RUNX2: variants seen among roughly 807,000 people sequenced by gnomAD.
RUNX2 encodes RUNX family transcription factor 2, also known as runt-related transcription factor 2.
A neutral mutation model predicts 51.7 loss-of-function variants in RUNX2; 10 were observed. That is an observed-to-expected ratio of 0.19 (90% CI 0.12 to 0.33). The LOEUF (loss-of-function observed/expected upper bound fraction) is 0.33. RUNX2 is among the 10% of genes least tolerant of loss of function. RUNX2 has a pLI of 1.00. For missense variants in RUNX2, 562 were observed against 691.3 expected (o/e 0.81, Z 2.10); for synonymous variants, 276 against 273.6 (o/e 1.01, Z -0.09).
At chr6:45,399,965 A>AAAGG (rs1469987391) in intron 2 of RUNX2, among the ~76,000 whole-genome samples, 1 of 147,142 alleles carries the variant, frequency 6.8e-6, no homozygotes, top group Non-Finnish European at 1.5e-5. Flanking sequence ...TTTTCTTTAG[A>AAAGG]AAGGAAGGAA....
intron 5 of RUNX2, among the ~76,000 whole-genome samples, chr6:45,454,687 T>C (rs1215798516): frequency 6.6e-6 from 1 of 152,150 alleles, no homozygotes; most frequent in Admixed American, 6.5e-5. Context: ...TCTATGTATG[T>C]GTGTGTGTAT....
At chr6:45,333,821 T>C (rs1468402261) in intron 2 of RUNX2, among the ~76,000 whole-genome samples, 1 of 151,200 alleles carries the variant, frequency 6.6e-6, no homozygotes, top group African/African-American at 2.4e-5. Context: ...TACTCATAAA[T>C]CCAATATACA....
intron 5 of RUNX2, 128 bp downstream of exon 5, chr6:45,438,179 A>AT (rs1798743899): frequency 1.3e-4 from 87 of 674,536 alleles, no homozygotes; most frequent in East Asian, 3.4e-4. Context: ...ATCTGCATAT[A>AT]TTTTTTTTAG....
intron 2 of RUNX2, among the ~76,000 whole-genome samples, chr6:45,388,923 C>T (rs1797415676): frequency 6.6e-6 from 1 of 152,108 alleles, no homozygotes; most frequent in African/African-American, 2.4e-5. Context: ...AGCGACTCCC[C>T]CTATATAGCA....
intron 2 of RUNX2, among the ~76,000 whole-genome samples, chr6:45,375,238 T>C (rs1008509917): frequency 6.6e-6 from 1 of 152,146 alleles, no homozygotes; most frequent in Non-Finnish European, 1.5e-5. Flanking sequence ...GATATTGCAA[T>C]GTGGTTAATC....
intron 6 of RUNX2, among the ~76,000 whole-genome samples, chr6:45,495,007 C>G (rs1197732962): frequency 6.6e-6 from 1 of 152,172 alleles, no homozygotes; most frequent in Non-Finnish European, 1.5e-5. Flanking sequence ...CTCAGCCAGC[C>G]CATCTACAGT....
At chr6:45,526,855 C>A (rs1174543756) in intron 7 of RUNX2, among the ~76,000 whole-genome samples, 1 of 152,036 alleles carries the variant, frequency 6.6e-6, no homozygotes, top group African/African-American at 2.4e-5. Flanking sequence ...ACCATATAAT[C>A]TAATAATAAT....
intron 7 of RUNX2, among the ~76,000 whole-genome samples, chr6:45,540,720 C>T (rs921372520): frequency 2.6e-5 from 4 of 152,160 alleles, no homozygotes; most frequent in African/African-American, 9.7e-5. Context: ...GACGAGTGTG[C>T]TTACCTAACA....
In RUNX2 at chr6:45,541,354, C is replaced by T. The variant is rs1442290273; in HGVS notation, c.1022-3863C>T. On this transcript the variant is annotated intron_variant, in intron 7 of 8. Coordinates refer to ENST00000647337, the MANE Select transcript of RUNX2 (RefSeq NM_001024630.4). ...ATATAGAAAATAAATGCTATTGGAA[C>T]GGAAGTAAAATAGGAAATTAAATAA... 6.6e-5 allele frequency among the ~76,000 whole-genome samples: 10 copies of T among 151,962 alleles called. No individual in the cohort carries two copies. In the East Asian group the frequency reaches 7.7e-4, roughly 12 times the overall value.
intron 2 of RUNX2, among the ~76,000 whole-genome samples, chr6:45,420,311 A>G (rs1798152427): frequency 6.6e-6 from 1 of 152,134 alleles, no homozygotes; most frequent in Non-Finnish European, 1.5e-5. Flanking sequence ...ATGCTCTCAG[A>G]GCCCTTCCAG....
At chr6:45,343,733 T>G (rs1029822383) in intron 2 of RUNX2, among the ~76,000 whole-genome samples, 1 of 152,208 alleles carries the variant, frequency 6.6e-6, no homozygotes, top group Non-Finnish European at 1.5e-5. Flanking sequence ...AAATGGTGTC[T>G]CTGTCCCATG....
At chr6:45,356,569 T>G (rs533592860) in intron 2 of RUNX2, among the ~76,000 whole-genome samples, 4 of 151,692 alleles carry the variant, frequency 2.6e-5, no homozygotes, top group African/African-American at 9.7e-5. Flanking sequence ...GGCTAATGTT[T>G]ATTTTTTTTT....
intron 5 of RUNX2, among the ~76,000 whole-genome samples, chr6:45,451,435 G>A (rs544719325): frequency 2.3e-4 from 35 of 152,344 alleles, no homozygotes; most frequent in Admixed American, 1.3e-3. Flanking sequence ...AAGCAATCCC[G>A]AAGGTGATCT....
At chr6:45,340,456 T>C (rs1026544081) in intron 2 of RUNX2, among the ~76,000 whole-genome samples, 4 of 151,998 alleles carry the variant, frequency 2.6e-5, no homozygotes, top group East Asian at 1.9e-4. Flanking sequence ...CCCAGGTAGC[T>C]TGGACTACAG....
intron 7 of RUNX2, among the ~76,000 whole-genome samples, chr6:45,530,538 A>C (rs1332171520): frequency 6.6e-6 from 1 of 152,244 alleles, no homozygotes; most frequent in African/African-American, 2.4e-5. Context: ...GGTCCAGTGC[A>C]GTTAGATGAC....
chr6:45,337,537 C>T (rs1788834767), intron 2 of RUNX2, among the ~76,000 whole-genome samples: 1 of 151,778 alleles, frequency 6.6e-6, no homozygotes, highest in African/African-American at 2.4e-5. Context: ...AGTTCTTTTG[C>T]TACGCCATAA....
At chr6:45,428,547 A>G (rs1331585625) in intron 3 of RUNX2, among the ~76,000 whole-genome samples, 1 of 152,110 alleles carries the variant, frequency 6.6e-6, no homozygotes, top group African/African-American at 2.4e-5. Flanking sequence ...ATTTTTTTTC[A>G]GGTCTTGCTC....
chr6:45,435,691 A>G (rs1380234687), intron 4 of RUNX2, among the ~76,000 whole-genome samples: 2 of 152,172 alleles, frequency 1.3e-5, no homozygotes, highest in Admixed American at 6.5e-5. Flanking sequence ...TAGAGACATT[A>G]AGGATAACTG....
intron 2 of RUNX2, among the ~76,000 whole-genome samples, chr6:45,378,123 G>A (rs1173983677): frequency 6.6e-6 from 1 of 152,200 alleles, no homozygotes; most frequent in Non-Finnish European, 1.5e-5. Context: ...CCGGGGGCGG[G>A]GCGTTGTGCG....
Sources: gnomAD v4.1 joint callset for allele counts (sites outside exome capture counted in the v4.1 genomes callset) on GRCh38, gnomAD v4.1.1 for gene constraint, MANE v1.5 for transcripts, NCBI Gene and HGNC (gene_info 2026-07-23, HGNC 2026-07-21) for gene names.